Variants in TRERF1 observed in about 807,000 individuals in gnomAD.
The protein encoded by TRERF1 is transcriptional-regulating factor 1.
In TRERF1, 27 loss-of-function variants were observed where a neutral mutation model predicts 122.9. That is an observed-to-expected ratio of 0.22 (90% CI 0.16 to 0.30). The LOEUF is 0.30. Among genes scored for constraint, TRERF1 ranks in the 10% least tolerant of loss-of-function variants. The probability of loss-of-function intolerance (pLI) is 1.00; values close to 1 mark genes in which losing one functional copy is unlikely to be tolerated. For synonymous variants in TRERF1, 636 were observed against 641.7 expected (o/e 0.99, Z 0.13); for missense variants, 1,248 against 1,560.3 (o/e 0.80, Z 3.37).
chr6:42,348,061 A>G (rs955430117), intron 3 of TRERF1, among the ~76,000 whole-genome samples: 4 of 152,226 alleles, frequency 2.6e-5, no homozygotes, highest in African/African-American at 9.6e-5. Context: ...GACCTTCACA[A>G]ATGTGAGTTA....
chr6:42,320,280 G>A (rs1763195731), intron 3 of TRERF1, among the ~76,000 whole-genome samples: 2 of 151,992 alleles, frequency 1.3e-5, no homozygotes, highest in East Asian at 1.9e-4. Context: ...GTTTAGGACA[G>A]GTTTCCTAAA....
intron 2 of TRERF1, among the ~76,000 whole-genome samples, chr6:42,386,121 C>T (rs980950005): frequency 2.0e-5 from 3 of 152,078 alleles, no homozygotes; most frequent in Admixed American, 1.3e-4. Flanking sequence ...TTTGGGAGGC[C>T]GAGGTGGGCG....
chr6:42,335,238 T>C (rs1472821880), intron 3 of TRERF1, among the ~76,000 whole-genome samples: 1 of 152,204 alleles, frequency 6.6e-6, no homozygotes, highest in Non-Finnish European at 1.5e-5. Context: ...TGCTCCCAGA[T>C]GCTGGGGGAT....
intron 3 of TRERF1, among the ~76,000 whole-genome samples, chr6:42,312,632 T>C (rs1483891443): frequency 6.6e-6 from 1 of 152,174 alleles, no homozygotes; most frequent in Non-Finnish European, 1.5e-5. Flanking sequence ...ATCTGCACCT[T>C]CGGGAGCAGA....
At chr6:42,282,943 AT>A (rs1035770741) in intron 4 of TRERF1, among the ~76,000 whole-genome samples, 25 of 152,104 alleles carry the variant, frequency 1.6e-4, no homozygotes, top group Admixed American at 9.2e-4. Flanking sequence ...TTTAACATCT[AT>A]TTTTTTCATT....
chr6:42,433,807 C>T (rs1355766182), intron 2 of TRERF1, among the ~76,000 whole-genome samples: 1 of 152,088 alleles, frequency 6.6e-6, no homozygotes, highest in Non-Finnish European at 1.5e-5. Flanking sequence ...CACTTGAGGT[C>T]AGGAGTTCAA....
rs76175315 is a variant in TRERF1, at chr6:42,336,122, G to A, written c.-371+26875C>T. ...GGGACAGCGCAGGCCTAATCCCCACGAAGGCCTGTTTTGTGCTGCAGTATC... is the reference window on the plus strand; with the variant it reads ...GGGACAGCGCAGGCCTAATCCCCACAAAGGCCTGTTTTGTGCTGCAGTATC... On this transcript the variant is annotated intron_variant, in intron 3 of 17. Coordinates refer to ENST00000372922, the Ensembl canonical transcript of TRERF1. Among the ~76,000 whole-genome samples the A allele has an allele frequency of 7.3e-3, 1,112 of 152,308 alleles. 13 individuals are homozygous for A. The highest frequency in any genetic ancestry group is 0.025 in the African/African-American group (1,040 of 41,548).
exon 18 of TRERF1, chr6:42,226,246 G>C (rs941917803): frequency 1.3e-5 from 2 of 152,122 alleles, no homozygotes; most frequent in Admixed American, 6.5e-5. Context: ...TTTAAAACTG[G>C]AACAGCTGGG....
chr6:42,439,276 C>T (rs949009136), intron 2 of TRERF1, among the ~76,000 whole-genome samples: 2 of 152,132 alleles, frequency 1.3e-5, no homozygotes, highest in African/African-American at 4.8e-5. Flanking sequence ...GTCAGGACTA[C>T]GCTCCGTAAC....
chr6:42,242,498 T>C (rs998880809), intron 15 of TRERF1, among the ~76,000 whole-genome samples: 6 of 152,202 alleles, frequency 3.9e-5, no homozygotes, highest in African/African-American at 1.4e-4. Flanking sequence ...ACATATATGG[T>C]AGGTAATGTT....
At chr6:42,440,094 T>C (rs776774394) in intron 2 of TRERF1, among the ~76,000 whole-genome samples, 3 of 152,150 alleles carry the variant, frequency 2.0e-5, no homozygotes, top group Non-Finnish European at 2.9e-5. Flanking sequence ...CACTCATCTC[T>C]TCTAACAAGG....
intron 3 of TRERF1, among the ~76,000 whole-genome samples, chr6:42,335,760 G>A (rs1007921506): frequency 2.0e-5 from 3 of 152,114 alleles, no homozygotes; most frequent in African/African-American, 7.2e-5. Flanking sequence ...CTTCCTCAGG[G>A]GCACATTCTC....
At chr6:42,337,005 G>A (rs767896605) in intron 3 of TRERF1, among the ~76,000 whole-genome samples, 1 of 152,210 alleles carries the variant, frequency 6.6e-6, no homozygotes, top group Non-Finnish European at 1.5e-5. Context: ...GGGGGGCAGG[G>A]GGTGCGTGCA....
chr6:42,271,450 C>G (rs148450212), intron 4 of TRERF1, among the ~76,000 whole-genome samples: 2 of 152,154 alleles, frequency 1.3e-5, no homozygotes, highest in Non-Finnish European at 1.5e-5. Context: ...AGCTCAGCAC[C>G]AACAATATTT....
intron 2 of TRERF1, among the ~76,000 whole-genome samples, chr6:42,450,545 T>C (rs1788286475): frequency 1.3e-5 from 2 of 152,236 alleles, no homozygotes; most frequent in Admixed American, 1.3e-4. Flanking sequence ...AGCGTTTTCT[T>C]GTAACCTAAG....
At chr6:42,265,683 A>G in intron 6 of TRERF1, 68 bp downstream of exon 6, 1 of 1,484,800 alleles carries the variant, frequency 6.7e-7, no homozygotes, top group Middle Eastern at 1.7e-4. Context: ...TTAAAAATGA[A>G]TCATGAGAGA....
At chr6:42,264,944 C>A (rs749372895) in intron 6 of TRERF1, 90 bp from the exon 7 acceptor site, 42 of 1,400,514 alleles carry the variant, frequency 3.0e-5, no homozygotes, top group Middle Eastern at 1.9e-4. Flanking sequence ...CCACCACAAA[C>A]CCATTTCATT....
At chr6:42,419,739 A>G (rs1220810922) in intron 2 of TRERF1, among the ~76,000 whole-genome samples, 1 of 152,122 alleles carries the variant, frequency 6.6e-6, no homozygotes, top group East Asian at 1.9e-4. Context: ...CATGGTGGGG[A>G]TTAGGTCATT....
Position 42,259,749 on chromosome 6 carries a change from C to A in TRERF1, c.1885-26G>T. 1 of 1,599,476 alleles carries A rather than the reference C, an allele frequency of 6.3e-7. No individual in the cohort carries two copies. Among genetic ancestry groups the A allele is most frequent in the Non-Finnish European group, 8.5e-7 (1 of 1,179,722 alleles). On this transcript the variant is annotated intron_variant, in intron 8 of 17. Transcript: ENST00000372922. The surrounding 1 kb of genome is among the most constrained non-coding windows in gnomAD (Gnocchi z 4.9). Reference sequence around the variant, plus strand: ...CTAAAACCGGAACAACGATCTGATTCGAATACTTCAGCTTCCCCCGCAGGC... The same window carrying A: ...CTAAAACCGGAACAACGATCTGATTAGAATACTTCAGCTTCCCCCGCAGGC...
Sources: allele counts gnomAD v4.1 joint callset (sites outside exome capture counted in the v4.1 genomes callset), GRCh38; gene constraint gnomAD v4.1.1; non-coding constraint Gnocchi (gnomAD v3.1); transcripts MANE v1.5; gene names NCBI Gene and HGNC (gene_info 2026-07-23, HGNC 2026-07-21).